Variants in SIPA1L2 observed in about 807,000 individuals in gnomAD.
SIPA1L2 encodes the protein signal induced proliferation associated 1 like 2.
A neutral mutation model predicts 163.9 loss-of-function variants in SIPA1L2; 56 were observed. The ratio of observed to expected loss-of-function variants is 0.34; its 90% confidence interval spans 0.28 to 0.43. The LOEUF is 0.43. SIPA1L2 is among the 20% of genes least tolerant of loss of function. The probability of loss-of-function intolerance (pLI) is 1.00; values close to 1 mark genes in which losing one functional copy is unlikely to be tolerated. For synonymous variants in SIPA1L2, 877 were observed against 865.7 expected (o/e 1.01, Z -0.23); for missense variants, 1,974 against 2,193.5 (o/e 0.90, Z 2.00).
chr1:232,478,072 C>A (rs1665136997), intron 7 of SIPA1L2, among the ~76,000 whole-genome samples: 1 of 152,122 alleles, frequency 6.6e-6, no homozygotes, highest in African/African-American at 2.4e-5. Flanking sequence ...CTGTCCTGGT[C>A]TAAATTAAGC....
chr1:232,545,411 T>C (rs753408967), intron 2 of SIPA1L2, among the ~76,000 whole-genome samples: 1 of 152,266 alleles, frequency 6.6e-6, no homozygotes, highest in Non-Finnish European at 1.5e-5. Context: ...CTAAGTGCTC[T>C]AGAAGAACCA....
intron 16 of SIPA1L2, among the ~76,000 whole-genome samples, chr1:232,429,821 T>G (rs913453263): frequency 6.6e-6 from 1 of 152,114 alleles, no homozygotes; most frequent in African/African-American, 2.4e-5. Context: ...CTGAGGTGAG[T>G]TAGGTGGTGC....
chr1:232,571,097 A>C (rs1659699734), intron 2 of SIPA1L2, among the ~76,000 whole-genome samples: 1 of 152,190 alleles, frequency 6.6e-6, no homozygotes. Context: ...TGTTTGTTAC[A>C]TGTGACAAAA....
intron 15 of SIPA1L2, among the ~76,000 whole-genome samples, chr1:232,436,371 T>G (rs1662562299): frequency 1.3e-5 from 2 of 152,240 alleles, no homozygotes; most frequent in Admixed American, 6.5e-5. Flanking sequence ...ACAATTTTAT[T>G]TAGGGGTGGG....
intron 6 of SIPA1L2, among the ~76,000 whole-genome samples, chr1:232,481,471 G>T (rs1017525594): frequency 6.6e-6 from 1 of 152,112 alleles, no homozygotes; most frequent in Admixed American, 6.6e-5. Context: ...TGCATTGCGG[G>T]GGGGAAAAGT....
At chr1:232,613,637 C>T (rs913005097) in intron 1 of SIPA1L2, among the ~76,000 whole-genome samples, 6 of 152,076 alleles carry the variant, frequency 3.9e-5, no homozygotes, top group African/African-American at 1.4e-4. Flanking sequence ...ACCATAAAGA[C>T]AAGATTAGAA....
intron 19 of SIPA1L2, among the ~76,000 whole-genome samples, chr1:232,415,242 G>A (rs1661179186): frequency 6.6e-6 from 1 of 152,170 alleles, no homozygotes; most frequent in Non-Finnish European, 1.5e-5. Context: ...GTCACAAATG[G>A]TGCCAGAGCT....
intron 18 of SIPA1L2, among the ~76,000 whole-genome samples, chr1:232,424,919 T>TAA (rs551039621): frequency 5.3e-5 from 8 of 151,822 alleles, no homozygotes; most frequent in Non-Finnish European, 1.0e-4. Context: ...AAGGCTAACA[T>TAA]AAAAAAAAGT....
At chr1:232,422,500 G>A (rs1661631397) in intron 18 of SIPA1L2, among the ~76,000 whole-genome samples, 1 of 152,214 alleles carries the variant, frequency 6.6e-6, no homozygotes, top group African/African-American at 2.4e-5. Flanking sequence ...TCACTGGGAA[G>A]AGATGGGCAG....
intron 1 of SIPA1L2, among the ~76,000 whole-genome samples, chr1:232,601,935 G>A (rs1302004452): frequency 6.6e-6 from 1 of 151,802 alleles, no homozygotes; most frequent in Non-Finnish European, 1.5e-5. Flanking sequence ...TAAAATATGG[G>A]ATGTCACCTT....
intron 16 of SIPA1L2, 112 bp from the exon 17 acceptor site, chr1:232,428,676 T>A: frequency 1.4e-6 from 1 of 734,646 alleles, no homozygotes. Flanking sequence ...CAAACACTTC[T>A]TAGGTCTTAA....
At chr1:232,495,400 A>C (rs1666130444) in intron 3 of SIPA1L2, among the ~76,000 whole-genome samples, 1 of 152,014 alleles carries the variant, frequency 6.6e-6, no homozygotes, top group South Asian at 2.1e-4. Flanking sequence ...CGGCTCTACT[A>C]AAAATACAAA....
chr1:232,464,802 A>G (rs202076814), intron 9 of SIPA1L2, 38 bp downstream of exon 9: 3 of 1,497,356 alleles, frequency 2.0e-6, no homozygotes, highest in Admixed American at 4.3e-5. Flanking sequence ...GGAATTGAAA[A>G]CATAAGGATG....
chr1:232,534,986 C>A (rs1412383432), intron 2 of SIPA1L2, among the ~76,000 whole-genome samples: 3 of 152,172 alleles, frequency 2.0e-5, no homozygotes, highest in African/African-American at 7.2e-5. Flanking sequence ...TACTCACAAT[C>A]TAAAATGGCA....
intron 5 of SIPA1L2, among the ~76,000 whole-genome samples, chr1:232,485,400 G>A (rs1665596913): frequency 6.6e-6 from 1 of 152,116 alleles, no homozygotes; most frequent in Admixed American, 6.5e-5. Context: ...AATTTATTGA[G>A]CTACTACTTT....
chr1:232,544,229 G>A (rs1320140211), intron 2 of SIPA1L2, among the ~76,000 whole-genome samples: 1 of 152,112 alleles, frequency 6.6e-6, no homozygotes, highest in Non-Finnish European at 1.5e-5. Context: ...CATAGGCAAT[G>A]TTTTACACGA....
rs541046545 is a variant in SIPA1L2, at chr1:232,480,325, A to G, written c.1982-595T>C. On this transcript the variant is annotated intron_variant, in intron 6 of 22. Transcript: ENST00000674635. ...ATATGTCTTTCCCTGAATGTAATTA[A>G]TTTTTTTCTTTCAACAGGAAGTACA... 1.2e-4 allele frequency among the ~76,000 whole-genome samples: 19 copies of G among 152,260 alleles called. No individual in the cohort carries two copies. The South Asian group carries it at 3.9e-3, about 32-fold the overall frequency.
chr1:232,487,786 T>C (rs913143965), intron 5 of SIPA1L2, among the ~76,000 whole-genome samples: 7 of 152,108 alleles, frequency 4.6e-5, no homozygotes, highest in Non-Finnish European at 1.0e-4. Context: ...GAAGGAATGA[T>C]CTAAACACCC....
chr1:232,460,263 T>C (rs1386963491), intron 10 of SIPA1L2, among the ~76,000 whole-genome samples: 4 of 152,196 alleles, frequency 2.6e-5, no homozygotes, highest in African/African-American at 9.7e-5. Context: ...ACCCCGTTCT[T>C]ATCCCAGCCC....
Sources: allele counts gnomAD v4.1 joint callset (sites outside exome capture counted in the v4.1 genomes callset), GRCh38; gene constraint gnomAD v4.1.1; transcripts MANE v1.5; gene names NCBI Gene and HGNC (gene_info 2026-07-23, HGNC 2026-07-21).